Variants in NLGN1 observed in about 807,000 individuals in gnomAD.
The protein encoded by NLGN1 is neuroligin-1.
NLGN1 carries 12 observed loss-of-function variants against 65.5 expected under a neutral mutation model. The observed-to-expected ratio is 0.18, with a 90% CI of 0.12 to 0.30. The LOEUF (loss-of-function observed/expected upper bound fraction) is 0.30. NLGN1 is among the 10% of genes least tolerant of loss of function. NLGN1 has a pLI of 1.00. For synonymous variants in NLGN1, 350 were observed against 359.5 expected, an observed-to-expected ratio of 0.97 and a Z score of 0.30; for missense variants, 750 against 1,007.1, an observed-to-expected ratio of 0.74 and a Z score of 3.46.
chr3:173,732,375 G>A (rs144920460), intron 3 of NLGN1, among the ~76,000 whole-genome samples: 55 of 152,236 alleles, frequency 3.6e-4, no homozygotes, highest in Middle Eastern at 3.4e-3. Flanking sequence ...TGATGCTTTA[G>A]CCATGACTTG....
chr3:173,804,586 A>G (rs1283952509), intron 3 of NLGN1, among the ~76,000 whole-genome samples: 1 of 151,932 alleles, frequency 6.6e-6, no homozygotes, highest in Non-Finnish European at 1.5e-5. Context: ...AGTTTTATTT[A>G]TAAAGAGTCT....
intron 3 of NLGN1, among the ~76,000 whole-genome samples, chr3:173,792,498 T>A (rs1367752781): frequency 1.3e-5 from 2 of 152,182 alleles, no homozygotes; most frequent in African/African-American, 2.4e-5. Flanking sequence ...AGACTCTCCA[T>A]GTTTGCACTA....
At chr3:173,967,334 C>T (rs899791639) in intron 4 of NLGN1, among the ~76,000 whole-genome samples, 10 of 152,144 alleles carry the variant, frequency 6.6e-5, no homozygotes, top group East Asian at 5.8e-4. Flanking sequence ...GACTGTGCTA[C>T]GCAAACTCTA....
At chr3:173,920,811 G>T (rs1741845147) in intron 4 of NLGN1, 1 of 151,276 alleles carries the variant, frequency 6.6e-6, no homozygotes, top group African/African-American at 2.5e-5. Context: ...GGTAGAGAGA[G>T]ATAGAAACAG....
chr3:173,730,197 C>A (rs995905033), intron 3 of NLGN1, among the ~76,000 whole-genome samples: 8 of 150,500 alleles, frequency 5.3e-5, no homozygotes, highest in Non-Finnish European at 8.9e-5. Flanking sequence ...TTGGAAATAC[C>A]AGGATACAAG....
chr3:173,414,112 G>A (rs1713181889), intron 1 of NLGN1, among the ~76,000 whole-genome samples: 1 of 152,144 alleles, frequency 6.6e-6, no homozygotes, highest in Non-Finnish European at 1.5e-5. Flanking sequence ...ACAGGAGTGG[G>A]GGCCTGGAAG....
chr3:174,163,080 A>G (rs945925976), intron 4 of NLGN1, among the ~76,000 whole-genome samples: 15 of 151,976 alleles, frequency 9.9e-5, no homozygotes, highest in Non-Finnish European at 2.1e-4. Context: ...AGCTTTACAA[A>G]GAGAATTTTC....
At chr3:174,190,873 A>G (rs1339184471) in intron 4 of NLGN1, among the ~76,000 whole-genome samples, 1 of 152,064 alleles carries the variant, frequency 6.6e-6, no homozygotes, top group Non-Finnish European at 1.5e-5. Context: ...CATATAGCCA[A>G]CAAAAACCCT....
Position 173,689,732 on chromosome 3 carries a change from T to A in NLGN1, c.493+84641T>A, listed in dbSNP as rs1264142823. Among the ~76,000 whole-genome samples, 3 of 152,118 alleles carry A rather than the reference T, an allele frequency of 2.0e-5. No individual in the cohort carries two copies. In the East Asian group the frequency reaches 5.8e-4, roughly 29 times the overall value. The stretch of plus-strand genomic sequence containing the variant: ...CTGTAACGAATCCAGATCCTCCCAC[T>A]CTACCTTGCCCCATTCAATTAGGTA... On this transcript the variant is annotated intron_variant, in intron 3 of 6. Transcript: ENST00000457714.
At chr3:173,925,152 C>T (rs1368458517) in intron 4 of NLGN1, among the ~76,000 whole-genome samples, 4 of 152,014 alleles carry the variant, frequency 2.6e-5, no homozygotes, top group Admixed American at 6.6e-5. Context: ...TTAATTAAAA[C>T]ACCACTTAGT....
chr3:174,198,511 G>A (rs189439152), intron 4 of NLGN1, among the ~76,000 whole-genome samples: 2 of 152,276 alleles, frequency 1.3e-5, no homozygotes, highest in Non-Finnish European at 2.9e-5. Context: ...CAAAGCCCTT[G>A]ATACATTTTG....
intron 2 of NLGN1, among the ~76,000 whole-genome samples, chr3:173,474,813 C>A (rs544281934): frequency 5.9e-5 from 9 of 152,086 alleles, no homozygotes; most frequent in African/African-American, 2.2e-4. Flanking sequence ...CAAAAATTAT[C>A]TGGGCATGGT....
At chr3:174,010,669 AATG>A (rs1725357527) in intron 4 of NLGN1, among the ~76,000 whole-genome samples, 1 of 152,158 alleles carries the variant, frequency 6.6e-6, no homozygotes, top group Admixed American at 6.5e-5. Context: ...TAACAGGTAA[AATG>A]ATGAATGAAA....
At chr3:174,131,348 C>T (rs920311961) in intron 4 of NLGN1, among the ~76,000 whole-genome samples, 1 of 152,142 alleles carries the variant, frequency 6.6e-6, no homozygotes, top group African/African-American at 2.4e-5. Context: ...CGTTTTCACA[C>T]ATAGTCCTTA....
At position 174,280,802 on chromosome 3, in the gene NLGN1, T is replaced by A; in HGVS notation, c.1971T>A (p.Asp657Glu). ...CCTTTCCCACTGCCAAGCAGGATGA[T>A]CCCAAACAACAACCAAGTCCATTTT... The change falls in exon 7 of 7, where the codon GAT becomes GAA. Residue 657 changes from aspartate to glutamate, a missense_variant. By Grantham distance (45) the Asp-to-Glu change is conservative. Transcript: ENST00000457714. The surrounding 1 kb of genome is among the most constrained non-coding windows in gnomAD (Gnocchi z 4.9). 6.2e-7 allele frequency: 1 copy of A among 1,613,326 alleles called. No homozygotes were observed. Among genetic ancestry groups the A allele is most frequent in the Non-Finnish European group, 8.5e-7 (1 of 1,179,564 alleles).
intron 5 of NLGN1, among the ~76,000 whole-genome samples, chr3:174,276,998 A>G (rs545594969): frequency 5.4e-4 from 82 of 152,042 alleles, no homozygotes; most frequent in South Asian, 3.7e-3. Flanking sequence ...GGTTTAAGAG[A>G]TGAGTCAGTT....
chr3:173,580,522 T>G (rs946032122), intron 2 of NLGN1, among the ~76,000 whole-genome samples: 1 of 151,990 alleles, frequency 6.6e-6, no homozygotes, highest in African/African-American at 2.4e-5. Context: ...GCAACTAGTT[T>G]TATTGTTTGA....
intron 3 of NLGN1, 88 bp downstream of exon 2, chr3:173,605,179 A>G (rs1477655109): frequency 4.6e-6 from 5 of 1,095,156 alleles, no homozygotes; most frequent in East Asian, 5.2e-5. Context: ...GTGTACTGGT[A>G]GTATGCATGG....
chr3:173,588,035 C>T lies in NLGN1; in HGVS notation c.-320-16244C>T, dbSNP rs187703821. Among the ~76,000 whole-genome samples the T allele has an allele frequency of 4.3e-3, 648 of 152,250 alleles. 2 individuals carry two copies. Among genetic ancestry groups the T allele is most frequent in the Middle Eastern group, 0.041 (12 of 294 alleles). On this transcript the variant is annotated intron_variant, in intron 2 of 6. Transcript: ENST00000457714. ...TGACTTGTTGAAATTTAACACATGA[C>T]ACTTCCAAGTGCAAATCTTCCATCT...
Sources: allele counts gnomAD v4.1 joint callset (sites outside exome capture counted in the v4.1 genomes callset), GRCh38; gene constraint gnomAD v4.1.1; non-coding constraint Gnocchi (gnomAD v3.1); transcripts MANE v1.5; gene names NCBI Gene and HGNC (gene_info 2026-07-23, HGNC 2026-07-21).